Variants in PALM2AKAP2 observed in about 807,000 individuals in gnomAD.
The protein encoded by PALM2AKAP2 is PALM2-AKAP2 fusion protein.
In PALM2AKAP2, 37 loss-of-function variants were observed where a neutral mutation model predicts 71.5. The ratio of observed to expected loss-of-function variants is 0.52; its 90% CI spans 0.40 to 0.68. The LOEUF is 0.68. Among genes scored for constraint, PALM2AKAP2 ranks in the 30% least tolerant of loss-of-function variants. PALM2AKAP2 has a pLI of 0.00. For missense variants in PALM2AKAP2, 1,224 were observed against 1,191.8 expected, an observed-to-expected ratio of 1.03 and a Z score of -0.40; for synonymous variants, 468 against 478.8, an observed-to-expected ratio of 0.98 and a Z score of 0.29.
intron 1 of PALM2AKAP2, among the ~76,000 whole-genome samples, chr9:109,742,292 C>T (rs79791127): frequency 0.21 from 30,929 of 146,856 alleles, 3,573 homozygotes; most frequent in East Asian, 0.38. Flanking sequence ...CACACACACA[C>T]ACACACACAC....
intron 1 of PALM2AKAP2, among the ~76,000 whole-genome samples, chr9:110,098,444 A>C (rs935726403): frequency 2.0e-5 from 3 of 152,242 alleles, no homozygotes. Flanking sequence ...GAAAATACTG[A>C]AAACTAATGT....
intron 1 of PALM2AKAP2, among the ~76,000 whole-genome samples, chr9:109,814,301 A>T (rs77733320): frequency 4.3e-4 from 65 of 152,372 alleles, no homozygotes; most frequent in Non-Finnish European, 6.0e-4. Context: ...ACCTGCTTTT[A>T]AATATATACT....
At chr9:109,859,353 G>T (rs1331855078) in intron 1 of PALM2AKAP2, among the ~76,000 whole-genome samples, 1 of 152,144 alleles carries the variant, frequency 6.6e-6, no homozygotes, top group African/African-American at 2.4e-5. Context: ...AAGATCTAAG[G>T]TTGGATAGCA....
At chr9:109,976,436 G>A (rs541773165) in intron 6 of PALM2AKAP2, among the ~76,000 whole-genome samples, 11 of 152,312 alleles carry the variant, frequency 7.2e-5, no homozygotes, top group South Asian at 6.2e-4. Flanking sequence ...TGAGGGCTTT[G>A]ATGGAGATGG....
chr9:110,049,564 C>A (rs1833668289), intron 1 of PALM2AKAP2, among the ~76,000 whole-genome samples: 1 of 151,692 alleles, frequency 6.6e-6, no homozygotes. Context: ...AATGTGGTAT[C>A]TTATCCGAGA....
chr9:110,145,203 A>T (rs1836134619), intron 2 of PALM2AKAP2, among the ~76,000 whole-genome samples: 1 of 152,144 alleles, frequency 6.6e-6, no homozygotes, highest in Non-Finnish European at 1.5e-5. Flanking sequence ...GCCATGAAAC[A>T]GTGCTTCCCT....
At chr9:109,917,674 G>A (rs1315234495) in intron 3 of PALM2AKAP2, among the ~76,000 whole-genome samples, 1 of 151,940 alleles carries the variant, frequency 6.6e-6, no homozygotes, top group Admixed American at 6.6e-5. Context: ...TATTTGTAGA[G>A]GTGGGGGTCT....
At chr9:110,131,401 G>A (rs143162510) in intron 1 of PALM2AKAP2, among the ~76,000 whole-genome samples, 1 of 152,178 alleles carries the variant, frequency 6.6e-6, no homozygotes, top group Admixed American at 6.5e-5. Flanking sequence ...TTTCAAAAAG[G>A]ACTTTCCTGG....
chr9:109,870,620 T>C (rs534424525), intron 2 of PALM2AKAP2, among the ~76,000 whole-genome samples: 2 of 152,302 alleles, frequency 1.3e-5, no homozygotes, highest in African/African-American at 2.4e-5. Context: ...CCCAAGACCA[T>C]AGAGACTATA....
intron 1 of PALM2AKAP2, among the ~76,000 whole-genome samples, chr9:109,826,238 A>C (rs1046831441): frequency 6.6e-6 from 1 of 152,062 alleles, no homozygotes; most frequent in South Asian, 2.1e-4. Flanking sequence ...GGGGGGAGGG[A>C]TAGCATTAGG....
At chr9:109,742,948 C>T (rs769715643) in intron 1 of PALM2AKAP2, among the ~76,000 whole-genome samples, 1 of 152,204 alleles carries the variant, frequency 6.6e-6, no homozygotes, top group Non-Finnish European at 1.5e-5. Context: ...AGCCACCTCC[C>T]TGAGGGAAGC....
chr9:109,842,062 T>C (rs1815045300), intron 1 of PALM2AKAP2, among the ~76,000 whole-genome samples: 1 of 151,940 alleles, frequency 6.6e-6, no homozygotes, highest in East Asian at 1.9e-4. Flanking sequence ...CTTGAAAACC[T>C]ACCTGGTGGA....
intron 1 of PALM2AKAP2, among the ~76,000 whole-genome samples, chr9:109,830,422 G>T (rs567393682): frequency 3.5e-4 from 54 of 152,264 alleles, no homozygotes; most frequent in African/African-American, 1.3e-3. Flanking sequence ...CCAGGGGCTG[G>T]TGTTAATGTT....
At chr9:109,840,951 C>G (rs949573107) in intron 1 of PALM2AKAP2, among the ~76,000 whole-genome samples, 2 of 152,190 alleles carry the variant, frequency 1.3e-5, no homozygotes, top group African/African-American at 4.8e-5. Flanking sequence ...TTGTGGAAGA[C>G]AGTGTGGCGA....
intron 3 of PALM2AKAP2, among the ~76,000 whole-genome samples, chr9:109,895,990 C>G (rs976354083): frequency 6.6e-6 from 1 of 152,056 alleles, no homozygotes; most frequent in Non-Finnish European, 1.5e-5. Context: ...TTGAGACCAG[C>G]TTGGCCAACA....
intron 2 of PALM2AKAP2, among the ~76,000 whole-genome samples, chr9:109,876,575 G>C (rs1412194508): frequency 6.6e-6 from 1 of 152,166 alleles, no homozygotes; most frequent in African/African-American, 2.4e-5. Context: ...TGCTTCCTGG[G>C]TTCAAGCAAT....
chr9:110,011,012 A>ATATATATATATATATATAT lies in PALM2AKAP2; in HGVS notation c.497-4942_497-4941insTATATATATATATATATAT, dbSNP rs59242587. 1.6e-3 allele frequency among the ~76,000 whole-genome samples: 141 copies of ATATATATATATATATATAT among 90,300 alleles called. 1 individual carries two copies. Among genetic ancestry groups the ATATATATATATATATATAT allele is most frequent in the Non-Finnish European group, 1.8e-3 (89 of 49,396 alleles). 59.2% of individuals were successfully genotyped at this position (90,300 alleles called of 152,430 possible). On this transcript the variant is annotated intron_variant, in intron 6 of 9. Coordinates refer to the PALM2AKAP2 transcript ENST00000302798. ...ACTCTGTCTCAAAAAAAAAAAAAAAAAAATATATATATATATATATATATA... is the reference window on the plus strand; with the variant it reads ...ACTCTGTCTCAAAAAAAAAAAAAAAATATATATATATATATATATAAATATATATATATATATATATATA...
At chr9:109,788,865 G>A (rs1256245421) in intron 1 of PALM2AKAP2, among the ~76,000 whole-genome samples, 1 of 152,202 alleles carries the variant, frequency 6.6e-6, no homozygotes, top group African/African-American at 2.4e-5. Context: ...TTAAGCCCAG[G>A]AGTTCAAGGC....
chr9:109,864,715 A>G (rs1175189805), intron 1 of PALM2AKAP2, among the ~76,000 whole-genome samples: 1 of 152,234 alleles, frequency 6.6e-6, no homozygotes, highest in Non-Finnish European at 1.5e-5. Context: ...GTTGCGACAG[A>G]GACTGTATGT....
Sources: allele counts gnomAD v4.1 joint callset (sites outside exome capture counted in the v4.1 genomes callset), GRCh38; gene constraint gnomAD v4.1.1; transcripts MANE v1.5; gene names NCBI Gene and HGNC (gene_info 2026-07-23, HGNC 2026-07-21).